DLG2: variants seen among roughly 807,000 people sequenced by gnomAD.
DLG2 encodes the protein disks large homolog 2.
A neutral mutation model predicts 132.5 loss-of-function variants in DLG2; 45 were observed. The observed-to-expected ratio is 0.34, with a 90% CI of 0.27 to 0.44. The LOEUF is 0.44. Ranked by LOEUF, DLG2 falls within the 20% of genes least tolerant of loss-of-function variation. The pLI is 1.00. For missense variants in DLG2, 1,045 were observed against 1,196.9 expected, an observed-to-expected ratio of 0.87 and a Z score of 1.87; for synonymous variants, 424 against 419.6, an observed-to-expected ratio of 1.01 and a Z score of -0.13.
chr11:84,175,851 G>A (rs929175534), intron 8 of DLG2, among the ~76,000 whole-genome samples: 1 of 152,032 alleles, frequency 6.6e-6, no homozygotes, highest in African/African-American at 2.4e-5. Context: ...GCATTCTGCT[G>A]CTTTATTTTA....
intron 6 of DLG2, among the ~76,000 whole-genome samples, chr11:84,960,531 G>T (rs944978869): frequency 3.3e-5 from 5 of 151,786 alleles, no homozygotes; most frequent in African/African-American, 1.2e-4. Flanking sequence ...CGCCTCCTGG[G>T]TTCAAGCTGT....
chr11:84,558,723 C>T (rs2099416956), intron 6 of DLG2, among the ~76,000 whole-genome samples: 1 of 152,154 alleles, frequency 6.6e-6, no homozygotes, highest in African/African-American at 2.4e-5. Flanking sequence ...GCTCTCAGGG[C>T]ATAGTCCACC....
intron 6 of DLG2, among the ~76,000 whole-genome samples, chr11:84,895,749 T>C (rs567138632): frequency 6.6e-6 from 1 of 152,248 alleles, no homozygotes; most frequent in South Asian, 2.1e-4. Context: ...TTGACTAATG[T>C]GAAGTTATAG....
At chr11:84,808,468 G>A (rs373721998) in intron 6 of DLG2, among the ~76,000 whole-genome samples, 5 of 151,692 alleles carry the variant, frequency 3.3e-5, no homozygotes, top group East Asian at 1.9e-4. Flanking sequence ...ATAACAAAGA[G>A]CAGAAACAAA....
intron 15 of DLG2, among the ~76,000 whole-genome samples, chr11:83,894,328 C>T (rs2070907638): frequency 6.6e-6 from 1 of 151,412 alleles, no homozygotes; most frequent in African/African-American, 2.4e-5. Flanking sequence ...TAACCAAAAA[C>T]AAAAAGGAAG....
chr11:84,675,203 T>C (rs2099709974), intron 6 of DLG2, among the ~76,000 whole-genome samples: 2 of 152,128 alleles, frequency 1.3e-5, no homozygotes, highest in South Asian at 2.1e-4. Context: ...GTTTGGATTC[T>C]TGTTCTTAAC....
At chr11:83,912,344 A>T (rs536214028) in intron 15 of DLG2, among the ~76,000 whole-genome samples, 3 of 152,214 alleles carry the variant, frequency 2.0e-5, no homozygotes, top group Admixed American at 6.5e-5. Flanking sequence ...TCTGGACTAC[A>T]GGCTGCAAAA....
At position 83,930,639 on chromosome 11, in the gene DLG2, T is replaced by A. The variant is rs142682761; in HGVS notation, c.1341-156A>T. ...AACCCAATTTTCCACTTGTAACTTT[T>A]CTTATAATAAAGACTTTATTCCTCA... On this transcript the variant is annotated intron_variant, in intron 14 of 27. Transcript: ENST00000376104. Among the ~76,000 whole-genome samples, 137 of 152,358 alleles carry A rather than the reference T, an allele frequency of 9.0e-4. 2 individuals carry two copies. In the East Asian group the frequency reaches 0.018, roughly 21 times the overall value.
At chr11:85,368,416 T>C (rs1295362840) in intron 3 of DLG2, among the ~76,000 whole-genome samples, 1 of 152,230 alleles carries the variant, frequency 6.6e-6, no homozygotes, top group Non-Finnish European at 1.5e-5. Context: ...ATACCCTTGA[T>C]ACTTCTCTTC....
chr11:84,895,982 TA>T (rs2090134163), intron 6 of DLG2, among the ~76,000 whole-genome samples: 1 of 152,126 alleles, frequency 6.6e-6, no homozygotes, highest in Admixed American at 6.6e-5. Flanking sequence ...ATGAATGTAT[TA>T]ATAGATATAC....
At chr11:83,767,611 T>C (rs1340622735) in intron 18 of DLG2, among the ~76,000 whole-genome samples, 1 of 152,220 alleles carries the variant, frequency 6.6e-6, no homozygotes, top group Non-Finnish European at 1.5e-5. Context: ...TTATTGAGCC[T>C]TTCTGTGCCT....
chr11:84,769,699 G>A (rs2153885917), intron 6 of DLG2, among the ~76,000 whole-genome samples: 1 of 152,200 alleles, frequency 6.6e-6, no homozygotes. Flanking sequence ...TATGGTCAAT[G>A]CTAAAGAAAA....
intron 3 of DLG2, among the ~76,000 whole-genome samples, chr11:85,393,242 C>A (rs953309582): frequency 6.6e-6 from 1 of 151,998 alleles, no homozygotes; most frequent in Non-Finnish European, 1.5e-5. Context: ...TCACTAATTA[C>A]CAAGGAAATG....
chr11:84,722,764 C>T (rs1226708320), intron 6 of DLG2, among the ~76,000 whole-genome samples: 2 of 152,148 alleles, frequency 1.3e-5, no homozygotes, highest in Admixed American at 6.5e-5. Flanking sequence ...TTGAGTTACA[C>T]CTGGTTCTAA....
intron 6 of DLG2, among the ~76,000 whole-genome samples, chr11:84,907,772 A>G (rs2091676431): frequency 6.6e-6 from 1 of 152,194 alleles, no homozygotes; most frequent in Non-Finnish European, 1.5e-5. Flanking sequence ...CATTCTCCCA[A>G]GACAATATAA....
intron 8 of DLG2, among the ~76,000 whole-genome samples, chr11:84,201,501 G>C (rs1276213517): frequency 6.6e-6 from 1 of 151,886 alleles, no homozygotes; most frequent in Non-Finnish European, 1.5e-5. Context: ...CAGTTTTTTG[G>C]AACAGTTTCA....
intron 8 of DLG2, among the ~76,000 whole-genome samples, chr11:84,185,901 T>C (rs970901092): frequency 6.6e-6 from 1 of 152,198 alleles, no homozygotes; most frequent in Non-Finnish European, 1.5e-5. Flanking sequence ...ATTGTCTTTG[T>C]TTCCCTTTTA....
chr11:85,239,760 T>C (rs1255801667), intron 4 of DLG2, among the ~76,000 whole-genome samples: 1 of 152,018 alleles, frequency 6.6e-6, no homozygotes, highest in Non-Finnish European at 1.5e-5. Flanking sequence ...GAATACTATG[T>C]AATTTTCCAT....
At chr11:85,064,631 G>A (rs774472786) in intron 6 of DLG2, among the ~76,000 whole-genome samples, 1 of 151,732 alleles carries the variant, frequency 6.6e-6, no homozygotes, top group East Asian at 1.9e-4. Flanking sequence ...TCTCAACTTG[G>A]CTAAGCTGTG....
Sources: allele counts gnomAD v4.1 joint callset (sites outside exome capture counted in the v4.1 genomes callset), GRCh38; gene constraint gnomAD v4.1.1; transcripts MANE v1.5; gene names NCBI Gene and HGNC (gene_info 2026-07-23, HGNC 2026-07-21).